Variants in ZFYVE26 observed in about 807,000 individuals in gnomAD.
ZFYVE26 encodes zinc finger FYVE-type containing 26, also known as zinc finger FYVE domain-containing protein 26.
ZFYVE26 carries 181 observed loss-of-function variants against 276.5 expected under a neutral mutation model. The observed-to-expected ratio is 0.65, with a 90% CI of 0.58 to 0.74. The LOEUF (loss-of-function observed/expected upper bound fraction) is 0.74, where lower values mean the gene tolerates loss of function less well. Ranked by LOEUF, ZFYVE26 falls within the 30% of genes least tolerant of loss-of-function variation. The pLI is 0.00. For synonymous variants in ZFYVE26, 1,129 were observed against 1,203.1 expected, an observed-to-expected ratio of 0.94 and a Z score of 1.27; for missense variants, 2,821 against 3,097.9, an observed-to-expected ratio of 0.91 and a Z score of 2.12.
At chr14:67,769,503 A>G (rs527519824) in intron 29 of ZFYVE26, 91 bp downstream of exon 29, 2 of 1,573,010 alleles carry the variant, frequency 1.3e-6, no homozygotes, top group East Asian at 2.2e-5. Context: ...TGGATTTGAA[A>G]TGCTCTCATA....
intron 13 of ZFYVE26, among the ~76,000 whole-genome samples, chr14:67,731,529 C>A (rs976184094): frequency 6.6e-6 from 1 of 151,888 alleles, no homozygotes; most frequent in Non-Finnish European, 1.5e-5. Context: ...CATCATATTT[C>A]TATTGGACAG....
chr14:67,746,204 G>A (rs1324056543), downstream of ZFYVE26, among the ~76,000 whole-genome samples: 1 of 152,106 alleles, frequency 6.6e-6, no homozygotes, highest in African/African-American at 2.4e-5. Flanking sequence ...CCTCTGGGAG[G>A]GGACTGGGCT....
chr14:67,729,466 G>C, exon 14 of ZFYVE26: 1 of 1,348,102 alleles, frequency 7.4e-7, no homozygotes, highest in Admixed American at 1.7e-5. Flanking sequence ...GAGAAGCTGA[G>C]TTTGTGCCTG....
chr14:67,805,094 TA>T, intron 8 of ZFYVE26, 122 bp downstream of exon 8: 1 of 882,426 alleles, frequency 1.1e-6, no homozygotes. Flanking sequence ...CAATTTTTAG[TA>T]GCTGGTCAAC....
chr14:67,769,621 T>C lies in ZFYVE26; in HGVS notation c.5594A>G (p.Asp1865Gly). Residue 1865 changes from aspartate to glycine, a missense_variant, in exon 29 of 42, where the codon GAT becomes GGT. Coordinates refer to ENST00000347230, the MANE Select transcript of ZFYVE26 (RefSeq NM_015346.4). ...TTTGTTGCAGTAACTATAGCACTGA[T>C]CACACACACGAGCAGGGTTCTCTCT... ...GCRENPARVC[D>G]QCYSYCNKDV... 6.2e-7 allele frequency: 1 copy of C among 1,613,972 alleles called. No individual in the cohort carries two copies. Among genetic ancestry groups the C allele is most frequent in the Non-Finnish European group, 8.5e-7 (1 of 1,179,884 alleles).
rs2038933556 is a variant in ZFYVE26, at chr14:67,761,674, T to C, written c.6370-90A>G. Reference sequence around the variant, plus strand: ...ATTGCTTGCAAAGAATATTTAACAATGTGCACACCAACATGGCACATGTAT... The same window carrying C: ...ATTGCTTGCAAAGAATATTTAACAACGTGCACACCAACATGGCACATGTAT... On this transcript the variant is annotated intron_variant, in intron 34 of 41. Transcript: ENST00000347230. The C allele has an allele frequency of 3.5e-6, 4 of 1,134,712 alleles. No individual in the cohort carries two copies. The Admixed American group carries it at 5.9e-5, about 17-fold the overall frequency. 70.3% of individuals were successfully genotyped at this position (1,134,712 alleles called of 1,614,324 possible).
At position 67,815,999 on chromosome 14, in the gene ZFYVE26, T is replaced by C; in HGVS notation, c.-36A>G. The C allele has an allele frequency of 1.3e-6, 2 of 1,548,564 alleles. No individual in the cohort carries two copies. The highest frequency in any genetic ancestry group is 1.8e-6 in the Non-Finnish European group (2 of 1,139,134). On this transcript the variant is annotated 5_prime_UTR_variant, in exon 2 of 42. Coordinates refer to ENST00000347230, the MANE Select transcript of ZFYVE26 (RefSeq NM_015346.4). The stretch of plus-strand genomic sequence containing the variant: ...CAGAGTGCAGGGAGATACAAAGAAA[T>C]GAGTTATGCCGAACACATTCTCAAT...
In ZFYVE26 at chr14:67,777,546, G is replaced by C; in HGVS notation, c.4974+13C>G. On this transcript the variant is annotated intron_variant, in intron 25 of 41. Coordinates refer to ENST00000347230, the MANE Select transcript of ZFYVE26 (RefSeq NM_015346.4). ...CCCACATACAGCGCCTGGATTTCAC[G>C]GTGTATCCTTACCTTGGATCCCACA... 6.2e-7 allele frequency: 1 copy of C among 1,613,114 alleles called. No individual in the cohort carries two copies. Among genetic ancestry groups the C allele is most frequent in the Non-Finnish European group, 8.5e-7 (1 of 1,179,772 alleles).
intron 23 of ZFYVE26, among the ~76,000 whole-genome samples, chr14:67,779,962 C>T (rs2039452076): frequency 6.6e-6 from 1 of 152,058 alleles, no homozygotes; most frequent in African/African-American, 2.4e-5. Flanking sequence ...AGCTCCGCCT[C>T]CTGGGTTCAC....
chr14:67,763,824 C>T (rs1305071913), intron 32 of ZFYVE26, among the ~76,000 whole-genome samples: 2 of 152,198 alleles, frequency 1.3e-5, no homozygotes, highest in Non-Finnish European at 2.9e-5. Flanking sequence ...GTATTTGAGG[C>T]AAGGCCTTTA....
At chr14:67,748,745 G>A in intron 41 of ZFYVE26, 106 bp from the exon 42 acceptor site, 1 of 1,121,870 alleles carries the variant, frequency 8.9e-7, no homozygotes, top group Non-Finnish European at 1.3e-6. Flanking sequence ...TGTCTCACCT[G>A]CCACGTTCAT....
At chr14:67,760,986 C>T in intron 35 of ZFYVE26, 1 of 524,122 alleles carries the variant, frequency 1.9e-6, no homozygotes, top group Non-Finnish European at 3.4e-6. Flanking sequence ...AGAAGCTGGA[C>T]ACCATCCCAG....
Position 67,783,971 on chromosome 14 carries a change from T to C in ZFYVE26, c.3626+363A>G, listed in dbSNP as rs145014494. ...CATATGAATTTGCAATTTTAATAAA[T>C]ATTGACAAACTGCCTTCCGACAGAG... On this transcript the variant is annotated intron_variant, in intron 20 of 41. Coordinates refer to ENST00000347230, the MANE Select transcript of ZFYVE26 (RefSeq NM_015346.4). 8.2e-4 allele frequency among the ~76,000 whole-genome samples: 125 copies of C among 152,362 alleles called. 1 individual carries two copies. The highest frequency in any genetic ancestry group is 2.2e-3 in the African/African-American group (93 of 41,582).
downstream of ZFYVE26, among the ~76,000 whole-genome samples, chr14:67,745,064 C>T (rs983244642): frequency 3.2e-4 from 49 of 152,200 alleles, 1 homozygote; most frequent in African/African-American, 1.4e-4. Flanking sequence ...TCCACAGCCT[C>T]GCCAGCATCT....
At chr14:67,778,334 T>C in intron 23 of ZFYVE26, 86 bp from the exon 24 acceptor site, 1 of 1,558,910 alleles carries the variant, frequency 6.4e-7, no homozygotes, top group Non-Finnish European at 8.8e-7. Flanking sequence ...GCCCCAGGAA[T>C]GTTTATAAGT....
chr14:67,748,000 G>C lies in ZFYVE26; in HGVS notation c.*436C>G, dbSNP rs554486638. On this transcript the variant is annotated 3_prime_UTR_variant, in exon 42 of 42. Coordinates refer to ENST00000347230, the MANE Select transcript of ZFYVE26 (RefSeq NM_015346.4). ...GAGCTACTAAAGCACGTCCACAGAG[G>C]GGGGACTATACAAACAGGACAACCC... is the stretch of plus-strand genomic sequence containing the variant. The C allele has an allele frequency of 4.5e-5, 9 of 199,494 alleles. No individual in the cohort carries two copies. Among genetic ancestry groups the C allele is most frequent in the South Asian group, 3.0e-4 (3 of 9,944 alleles). 12.4% of individuals were successfully genotyped at this position (199,494 alleles called of 1,614,324 possible).
At chr14:67,753,369 G>T (rs1312342607) in intron 39 of ZFYVE26, among the ~76,000 whole-genome samples, 1 of 152,180 alleles carries the variant, frequency 6.6e-6, no homozygotes, top group Non-Finnish European at 1.5e-5. Context: ...AGCCCTTGTG[G>T]CCAGTGGAAA....
chr14:67,765,283 C>T (rs957717829), intron 32 of ZFYVE26, among the ~76,000 whole-genome samples: 9 of 152,128 alleles, frequency 5.9e-5, no homozygotes, highest in East Asian at 3.8e-4. Context: ...CTAACATTTT[C>T]GGAATACACA....
At chr14:67,741,606 A>G (rs2038415646), downstream of ZFYVE26, among the ~76,000 whole-genome samples, 1 of 152,256 alleles carries the variant, frequency 6.6e-6, no homozygotes, top group South Asian at 2.1e-4. Flanking sequence ...TTTATTGAAC[A>G]TATGAGAATT....
Sources: gnomAD v4.1 joint callset for allele counts (sites outside exome capture counted in the v4.1 genomes callset) on GRCh38, gnomAD v4.1.1 for gene constraint, MANE v1.5 for transcripts, NCBI Gene and HGNC (gene_info 2026-07-23, HGNC 2026-07-21) for gene names.